Variants in TANC2 observed in about 807,000 individuals in gnomAD.
TANC2 encodes tetratricopeptide repeat, ankyrin repeat and coiled-coil containing 2.
Under a neutral mutation model 210.5 loss-of-function variants are expected in TANC2, and 26 were observed. The observed-to-expected ratio is 0.12, with a 90% CI of 0.09 to 0.17. The LOEUF (loss-of-function observed/expected upper bound fraction) is 0.17, where lower values mean the gene tolerates loss of function less well. Ranked by LOEUF, TANC2 falls within the 10% of genes least tolerant of loss-of-function variation. TANC2 has a pLI of 1.00. For synonymous variants in TANC2, 931 were observed against 967.1 expected (o/e 0.96, Z 0.69); for missense variants, 2,129 against 2,608.9 (o/e 0.82, Z 4.01).
chr17:63,073,005 C>G (rs2144648972), intron 2 of TANC2, among the ~76,000 whole-genome samples: 1 of 152,118 alleles, frequency 6.6e-6, no homozygotes, highest in Non-Finnish European at 1.5e-5. Context: ...TTTATTAAAC[C>G]TGCTTGCAGC....
chr17:63,237,036 A>G lies in TANC2; in HGVS notation c.770-778A>G, dbSNP rs563631992. Among the ~76,000 whole-genome samples, 284 of 152,274 alleles carry G rather than the reference A, an allele frequency of 1.9e-3. 1 individual carries two copies. The highest frequency in any genetic ancestry group is 6.6e-3 in the African/African-American group (273 of 41,568). On this transcript the variant is annotated intron_variant, in intron 7 of 27. Transcript: ENST00000689528. ...TGGTGGAATTGCTGGATTGAATGGT[A>G]GTTCTATTTTTAGTTCTTTGAGAAA...
intron 9 of TANC2, among the ~76,000 whole-genome samples, chr17:63,269,599 A>G (rs2043637211): frequency 6.6e-6 from 1 of 152,214 alleles, no homozygotes; most frequent in Non-Finnish European, 1.5e-5. Context: ...TATACTACAT[A>G]GAAAACAAAA....
intron 5 of TANC2, among the ~76,000 whole-genome samples, chr17:63,178,555 G>C (rs1290732857): frequency 6.6e-6 from 1 of 152,192 alleles, no homozygotes; most frequent in African/African-American, 2.4e-5. Context: ...GAAAAATTCA[G>C]GTAATCGTTC....
At chr17:63,333,064 T>G (rs2045913632) in intron 11 of TANC2, among the ~76,000 whole-genome samples, 2 of 152,244 alleles carry the variant, frequency 1.3e-5, no homozygotes, top group African/African-American at 2.4e-5. Flanking sequence ...ATTATTATTG[T>G]TGTCATGTCT....
chr17:63,271,608 G>GC (rs372980781), intron 9 of TANC2, among the ~76,000 whole-genome samples: 2,675 of 127,054 alleles, frequency 0.021, 86 homozygotes, highest in African/African-American at 0.072. Flanking sequence ...TCCCACCCTT[G>GC]CCCCCCCCAT....
intron 5 of TANC2, among the ~76,000 whole-genome samples, chr17:63,187,218 G>A (rs879792760): frequency 1.3e-5 from 2 of 152,200 alleles, no homozygotes; most frequent in African/African-American, 2.4e-5. Context: ...TAACTTAGGA[G>A]TAAAGAGCCT....
exon 28 of TANC2, chr17:63,422,006 G>T (rs1297793506): frequency 5.2e-6 from 8 of 1,538,862 alleles, no homozygotes; most frequent in Non-Finnish European, 6.1e-6. Context: ...ACATTTTCAG[G>T]CTTGGTTTCC....
intron 5 of TANC2, among the ~76,000 whole-genome samples, chr17:63,172,284 C>T (rs1013264004): frequency 2.1e-4 from 32 of 151,056 alleles, no homozygotes; most frequent in Non-Finnish European, 3.4e-4. Flanking sequence ...CAGGTTCAAG[C>T]GATTCTCCTG....
chr17:63,189,472 CT>C (rs1376151772), intron 5 of TANC2, among the ~76,000 whole-genome samples: 1 of 152,098 alleles, frequency 6.6e-6, no homozygotes, highest in Non-Finnish European at 1.5e-5. Flanking sequence ...TTGATATCTC[CT>C]TGTGGTTTTG....
Position 63,389,557 on chromosome 17 carries a change from C to G in TANC2, c.3051+13C>G. The G allele has an allele frequency of 6.3e-7, 1 of 1,591,118 alleles. No homozygotes were observed. Among genetic ancestry groups the G allele is most frequent in the South Asian group, 1.1e-5 (1 of 88,474 alleles). On this transcript the variant is annotated intron_variant, in intron 17 of 27. Transcript: ENST00000689528. ...GAAACGGGCCAAGGTACTGGCTGCCCAGCTCTGCTGCTTTTCTTCCCTTTT... is the reference window on the plus strand; with the variant it reads ...GAAACGGGCCAAGGTACTGGCTGCCGAGCTCTGCTGCTTTTCTTCCCTTTT...
chr17:63,026,300 CCTCA>C (rs2034551784), intron 2 of TANC2, among the ~76,000 whole-genome samples: 32 of 152,198 alleles, frequency 2.1e-4, no homozygotes, highest in Admixed American at 1.6e-3. Context: ...ACTGCTGTAT[CCTCA>C]GTACCTGCCC....
At chr17:63,051,306 A>G (rs961917300) in intron 2 of TANC2, among the ~76,000 whole-genome samples, 1 of 151,738 alleles carries the variant, frequency 6.6e-6, no homozygotes, top group African/African-American at 2.4e-5. Context: ...CTTTTCTTTC[A>G]TTTGTGTCTT....
At chr17:63,037,104 T>G (rs1277684840) in intron 2 of TANC2, among the ~76,000 whole-genome samples, 1 of 152,126 alleles carries the variant, frequency 6.6e-6, no homozygotes, top group Non-Finnish European at 1.5e-5. Flanking sequence ...ATAAATGTGG[T>G]CTTTTCTCGC....
intron 11 of TANC2, among the ~76,000 whole-genome samples, chr17:63,328,463 G>A (rs2146691571): frequency 6.6e-6 from 1 of 151,550 alleles, no homozygotes; most frequent in East Asian, 1.9e-4. Flanking sequence ...TTAAAAAGAA[G>A]GAAATCCTGT....
At chr17:63,318,014 C>G (rs553886844) in intron 10 of TANC2, among the ~76,000 whole-genome samples, 4 of 152,330 alleles carry the variant, frequency 2.6e-5, no homozygotes, top group Admixed American at 2.0e-4. Context: ...GCTTCTTTCA[C>G]TGCCATCCTC....
chr17:63,264,333 A>C (rs1365244693), intron 8 of TANC2, among the ~76,000 whole-genome samples: 2 of 152,172 alleles, frequency 1.3e-5, no homozygotes, highest in Non-Finnish European at 2.9e-5. Context: ...AAGACAGATG[A>C]GAAAGAGCAT....
In TANC2 at chr17:63,421,557, C is replaced by A; in HGVS notation, c.5827C>A (p.Pro1943Thr). Residue 1943 changes from proline to threonine, a missense_variant, in exon 28 of 28, where the codon CCC (proline) becomes ACC (threonine). Around this residue, in one of 5 missense-constraint regions of TANC2, gnomAD observed 161 missense variants for 178.6 expected, o/e 0.90. Transcript: ENST00000689528. The surrounding 1 kb of genome is among the most constrained non-coding windows in gnomAD (Gnocchi z 6.9). ...TAAAACAGCACGGACTCAGCAGTAC[C>A]CCCACCTCCACCAGCAGAATCGGAC... 1 of 1,614,014 alleles carries A rather than the reference C, an allele frequency of 6.2e-7. No individual in the cohort carries two copies. The highest frequency in any genetic ancestry group is 8.5e-7 in the Non-Finnish European group (1 of 1,179,896).
intron 9 of TANC2, among the ~76,000 whole-genome samples, chr17:63,299,981 A>G (rs994992287): frequency 1.2e-4 from 19 of 152,284 alleles, no homozygotes; most frequent in African/African-American, 4.6e-4. Flanking sequence ...GAAGGGGTCC[A>G]GTTTCAGTTT....
intron 4 of TANC2, among the ~76,000 whole-genome samples, chr17:63,141,059 A>AT (rs915763355): frequency 6.6e-6 from 1 of 152,012 alleles, no homozygotes; most frequent in Non-Finnish European, 1.5e-5. Context: ...CAGGAAGAGT[A>AT]TTATAAATGA....
Sources: allele counts gnomAD v4.1 joint callset (sites outside exome capture counted in the v4.1 genomes callset), GRCh38; gene constraint gnomAD v4.1.1; regional missense constraint gnomAD v4.1.1; non-coding constraint Gnocchi (gnomAD v3.1); transcripts MANE v1.5; gene names NCBI Gene and HGNC (gene_info 2026-07-23, HGNC 2026-07-21).